Variants in SIPA1L1 observed in about 807,000 individuals in gnomAD.
SIPA1L1 encodes the protein signal induced proliferation associated 1 like 1.
SIPA1L1 carries 26 observed loss-of-function variants against 162.7 expected under a neutral mutation model. That is an observed-to-expected ratio of 0.16 (90% confidence interval 0.12 to 0.22). SIPA1L1 has a LOEUF of 0.22. SIPA1L1 is among the 10% of genes least tolerant of loss of function. The pLI is 1.00. For missense variants in SIPA1L1, 1,874 were observed against 2,241.0 expected, an observed-to-expected ratio of 0.84 and a Z score of 3.31; for synonymous variants, 829 against 837.4, an observed-to-expected ratio of 0.99 and a Z score of 0.17.
intron 7 of SIPA1L1, 184 bp from the exon 8 acceptor site, chr14:71,650,151 C>A: frequency 1.5e-6 from 1 of 675,530 alleles, no homozygotes; most frequent in Non-Finnish European, 2.6e-6. Flanking sequence ...TTTCTCAGTT[C>A]ATGAAGTTCG....
At chr14:71,433,056 G>A (rs2044115553) in intron 2 of SIPA1L1, among the ~76,000 whole-genome samples, 3 of 152,140 alleles carry the variant, frequency 2.0e-5, no homozygotes, top group African/African-American at 7.2e-5. Context: ...AACCTTATTT[G>A]TTATCTGTTT....
At chr14:71,732,237 G>C (rs760902265) in intron 20 of SIPA1L1, among the ~76,000 whole-genome samples, 1 of 152,224 alleles carries the variant, frequency 6.6e-6, no homozygotes, top group African/African-American at 2.4e-5. Flanking sequence ...TTACCGGGCT[G>C]TCATAATACA....
At chr14:71,422,594 G>A (rs1314879216) in intron 2 of SIPA1L1, among the ~76,000 whole-genome samples, 1 of 152,146 alleles carries the variant, frequency 6.6e-6, no homozygotes, top group African/African-American at 2.4e-5. Flanking sequence ...TCTTTTTGGT[G>A]ACTGGCTTAT....
intron 6 of SIPA1L1, among the ~76,000 whole-genome samples, chr14:71,620,328 C>T (rs1567328640): frequency 6.6e-6 from 1 of 152,240 alleles, no homozygotes; most frequent in Admixed American, 6.5e-5. Flanking sequence ...CTCGGCCTCC[C>T]AAAGTGCTGG....
At chr14:71,484,669 A>T (rs952155419) in intron 2 of SIPA1L1, among the ~76,000 whole-genome samples, 4 of 152,338 alleles carry the variant, frequency 2.6e-5, no homozygotes, top group Admixed American at 2.6e-4. Flanking sequence ...TCATTTTGCT[A>T]TCCCAGAAAA....
chr14:71,435,844 C>T (rs1158050344), intron 2 of SIPA1L1, among the ~76,000 whole-genome samples: 1 of 152,170 alleles, frequency 6.6e-6, no homozygotes, highest in Non-Finnish European at 1.5e-5. Context: ...CCTGTTGTTG[C>T]CTAACTTTTT....
At chr14:71,522,697 CT>C (rs368872105) in intron 3 of SIPA1L1, among the ~76,000 whole-genome samples, 285 of 143,870 alleles carry the variant, frequency 2.0e-3, no homozygotes, top group Middle Eastern at 3.6e-3. Context: ...TTCTCTCTCT[CT>C]TTTTTTTTTT....
intron 17 of SIPA1L1, among the ~76,000 whole-genome samples, chr14:71,721,548 G>C (rs78174836): frequency 0.011 from 1,751 of 152,308 alleles, 18 homozygotes; most frequent in Middle Eastern, 0.017. Flanking sequence ...TCTGGCCCTG[G>C]GTGGGTCTGG....
chr14:71,537,232 G>A (rs1203372101), intron 4 of SIPA1L1, among the ~76,000 whole-genome samples: 1 of 152,096 alleles, frequency 6.6e-6, no homozygotes, highest in East Asian at 1.9e-4. Flanking sequence ...TTGAGACAGA[G>A]TCTAGCTCTG....
chr14:71,355,688 TG>T (rs1391862153), intron 2 of SIPA1L1, among the ~76,000 whole-genome samples: 1 of 152,232 alleles, frequency 6.6e-6, no homozygotes, highest in African/African-American at 2.4e-5. Context: ...TCTCCTTGCA[TG>T]GCAGAGGTGA....
chr14:71,345,418 A>G lies in SIPA1L1; in HGVS notation c.-465+24237A>G, dbSNP rs115631325. Among the ~76,000 whole-genome samples, 698 of 152,294 alleles carry G rather than the reference A, an allele frequency of 4.6e-3. 3 individuals are homozygous for G. Among genetic ancestry groups the G allele is most frequent in the African/African-American group, 0.016 (657 of 41,566 alleles). On this transcript the variant is annotated intron_variant, in intron 2 of 23. Coordinates refer to ENST00000381232, the MANE Select transcript of SIPA1L1 (RefSeq NM_001386936.1). ...TAGGATTAAGCCAAGTTGATAGACAAGTAACAGAAAGTTACAGCTCAGTTT... is the reference window on the plus strand; with the variant it reads ...TAGGATTAAGCCAAGTTGATAGACAGGTAACAGAAAGTTACAGCTCAGTTT...
chr14:71,376,686 G>A (rs2039401720), intron 2 of SIPA1L1, among the ~76,000 whole-genome samples: 1 of 151,994 alleles, frequency 6.6e-6, no homozygotes, highest in Non-Finnish European at 1.5e-5. Context: ...AAAGGTCTCT[G>A]GTTTTCCTAG....
At chr14:71,705,387 A>G (rs567259271) in intron 16 of SIPA1L1, 47 bp downstream of exon 16, 1 of 1,326,596 alleles carries the variant, frequency 7.5e-7, no homozygotes, top group Non-Finnish European at 1.1e-6. Context: ...CTAGCAGTGT[A>G]CCTTCCTTGC....
chr14:71,578,553 T>G (rs1423644647), intron 4 of SIPA1L1, among the ~76,000 whole-genome samples: 1 of 152,232 alleles, frequency 6.6e-6, no homozygotes, highest in Non-Finnish European at 1.5e-5. Flanking sequence ...GCCTTACTGA[T>G]AACATGAACA....
chr14:71,402,952 C>T (rs1639915122), intron 2 of SIPA1L1, among the ~76,000 whole-genome samples: 1 of 152,154 alleles, frequency 6.6e-6, no homozygotes, highest in Admixed American at 6.5e-5. Flanking sequence ...CTGTCCCCCT[C>T]TCCCTCCACA....
chr14:71,587,846 G>C lies in SIPA1L1; in HGVS notation c.-27G>C, dbSNP rs199602982. On this transcript the variant is annotated 5_prime_UTR_variant, in exon 5 of 24. Coordinates refer to ENST00000381232, the MANE Select transcript of SIPA1L1 (RefSeq NM_001386936.1). ...ACAGATATGATGGTCCTTGCTGCAG[G>C]GATTTAAGTCTACTTGCTTTTACAT... 1 of 1,579,664 alleles carries C rather than the reference G, an allele frequency of 6.3e-7. No homozygotes were observed. The highest frequency in any genetic ancestry group is 1.1e-5 in the South Asian group (1 of 88,782).
intron 2 of SIPA1L1, among the ~76,000 whole-genome samples, chr14:71,402,351 T>A (rs993218567): frequency 2.1e-5 from 1 of 48,160 alleles, no homozygotes; most frequent in African/African-American, 6.0e-5. Context: ...CTTGGGTAAA[T>A]TTTTTTTTTT....
intron 15 of SIPA1L1, among the ~76,000 whole-genome samples, chr14:71,703,862 C>G (rs1290689529): frequency 6.6e-6 from 1 of 152,188 alleles, no homozygotes; most frequent in Non-Finnish European, 1.5e-5. Context: ...TTCATTCTCT[C>G]ACACAAACCT....
intron 2 of SIPA1L1, among the ~76,000 whole-genome samples, chr14:71,354,126 G>A (rs1232174188): frequency 2.0e-5 from 3 of 151,886 alleles, no homozygotes; most frequent in Non-Finnish European, 4.4e-5. Context: ...CTGATTTGTG[G>A]TATTATGCAT....
Sources: gnomAD v4.1 joint callset for allele counts (sites outside exome capture counted in the v4.1 genomes callset) on GRCh38, gnomAD v4.1.1 for gene constraint, MANE v1.5 for transcripts, NCBI Gene and HGNC (gene_info 2026-07-23, HGNC 2026-07-21) for gene names.